APLP2: variants seen among roughly 807,000 people sequenced by gnomAD.
APLP2 encodes the protein amyloid beta precursor like protein 2.
APLP2 carries 53 observed loss-of-function variants against 89.9 expected under a neutral mutation model. The observed-to-expected ratio is 0.59, with a 90% CI of 0.47 to 0.74. APLP2 has a LOEUF of 0.74. APLP2 is among the 30% of genes least tolerant of loss of function. The pLI, the probability that APLP2 is intolerant of heterozygous loss-of-function variation, is 0.00. For synonymous variants in APLP2, 372 were observed against 348.6 expected (o/e 1.07, Z -0.75); for missense variants, 973 against 975.9 (o/e 1.00, Z 0.04).
chr11:130,090,378 G>GT (rs1489278492), intron 1 of APLP2, among the ~76,000 whole-genome samples: 18 of 147,884 alleles, frequency 1.2e-4, no homozygotes, highest in Admixed American at 6.7e-5. Flanking sequence ...GTGAACAAAG[G>GT]TCTCTGGTTT....
chr11:130,122,399 G>A lies in APLP2; in HGVS notation c.808G>A (p.Asp270Asn), dbSNP rs1319915604. The change falls in exon 6 of 17, where the codon GAC becomes AAC. Residue 270 changes from aspartate to asparagine, a missense_variant. By Grantham distance (23) the Asp-to-Asn change is conservative. Coordinates refer to ENST00000338167, the MANE Select transcript of APLP2 (RefSeq NM_001142276.2). ...GGAAGAAGGGGAGGAAGTGGTGGAGGACCGAGATTACTACTATGACACCTT... is the reference window on the plus strand; with the variant it reads ...GGAAGAAGGGGAGGAAGTGGTGGAGAACCGAGATTACTACTATGACACCTT... ...DEEEGEEVVE[D>N]RDYYYDTFKG... The A allele has an allele frequency of 1.2e-6, 2 of 1,614,136 alleles. No individual in the cohort carries two copies. Among genetic ancestry groups the A allele is most frequent in the South Asian group, 2.2e-5 (2 of 91,080 alleles).
intron 4 of APLP2, among the ~76,000 whole-genome samples, chr11:130,121,186 A>C (rs1369543294): frequency 6.6e-6 from 1 of 152,098 alleles, no homozygotes; most frequent in Non-Finnish European, 1.5e-5. Context: ...ATGCCATCTC[A>C]CTTTTCTGGT....
Position 130,141,389 on chromosome 11 carries a change from G to A in APLP2, c.1924-109G>A. The A allele has an allele frequency of 1.1e-6, 1 of 884,748 alleles. No homozygotes were observed. 54.8% of individuals were successfully genotyped at this position (884,748 alleles called of 1,614,324 possible). On this transcript the variant is annotated intron_variant, in intron 14 of 16. Coordinates refer to ENST00000338167, the MANE Select transcript of APLP2 (RefSeq NM_001142276.2). The surrounding 1 kb of genome is among the most constrained non-coding windows in gnomAD (Gnocchi z 4.2). Reference sequence around the variant, plus strand: ...TGGTTGGTTAATGGGGGTCCCACAGGTACCTGCTTCCTTCCATCAAGCAGC... The same window carrying A: ...TGGTTGGTTAATGGGGGTCCCACAGATACCTGCTTCCTTCCATCAAGCAGC...
intron 10 of APLP2, 143 bp downstream of exon 10, chr11:130,129,349 G>C: frequency 1.0e-6 from 1 of 977,030 alleles, no homozygotes; most frequent in Non-Finnish European, 1.5e-6. Flanking sequence ...GGAGGAAAAG[G>C]TATTACATTC....
In APLP2 at chr11:130,070,378, C is replaced by T. The variant is rs550598212; in HGVS notation, c.105+296C>T. 2.0e-3 allele frequency among the ~76,000 whole-genome samples: 309 copies of T among 151,392 alleles called. 1 individual carries two copies. Among genetic ancestry groups the T allele is most frequent in the African/African-American group, 6.5e-3 (270 of 41,424 alleles). Reference sequence around the variant, plus strand: ...CAACCCGCCCGCGGCGCCGCCACCTCCTCCGGGGACCCAGTGCCCCCGGGC... The same window carrying T: ...CAACCCGCCCGCGGCGCCGCCACCTTCTCCGGGGACCCAGTGCCCCCGGGC... On this transcript the variant is annotated intron_variant, in intron 1 of 16. Transcript: ENST00000338167.
chr11:130,140,909 C>CTTTTTTTTT (rs5795689), intron 14 of APLP2: 1 of 136,774 alleles, frequency 7.3e-6, no homozygotes, highest in African/African-American at 2.7e-5. Context: ...TTCAATGTGG[C>CTTTTTTTTT]TTTTTTTTTT....
At position 130,069,926 on chromosome 11, in the gene APLP2, G is replaced by T. The variant is rs938405185; in HGVS notation, c.-52G>T. The T allele has an allele frequency of 3.0e-6, 4 of 1,339,310 alleles. No individual in the cohort carries two copies. Among genetic ancestry groups the T allele is most frequent in the South Asian group, 2.6e-5 (2 of 78,014 alleles). 83.0% of individuals were successfully genotyped at this position (1,339,310 alleles called of 1,614,324 possible). A position where few individuals can be genotyped will look rare whatever the true frequency, so the allele number is the denominator to read the frequency against. On this transcript the variant is annotated 5_prime_UTR_variant, in exon 1 of 17. The change creates a premature stop within an existing upstream ORF in the 5' untranslated region. Coordinates refer to ENST00000338167, the MANE Select transcript of APLP2 (RefSeq NM_001142276.2). ...TCTGGGTCGCGGTGTGCTAAGCGAG[G>T]AGTCCGAGTGTGTGAGCTTGAGAGC...
In APLP2 at chr11:130,109,296, ATTTG is replaced by A. The variant is rs1471061196; in HGVS notation, c.106-127_106-124del. 1.5e-5 allele frequency: 12 copies of A among 783,270 alleles called. No individual in the cohort carries two copies. The African/African-American group carries it at 2.0e-4, about 13-fold the overall frequency. The allele number at this position is 783,270 out of a possible 1,614,324, so 48.5% of individuals were successfully genotyped here. A position where few individuals can be genotyped will look rare whatever the true frequency, so the allele number is the denominator to read the frequency against. ...TTCTGTTCTAGCTCCTGGGAAAAGGATTTGTTTGTGAAGATACAAATAGTAAATA... is the reference window on the plus strand; with the variant it reads ...TTCTGTTCTAGCTCCTGGGAAAAGGATTTGTGAAGATACAAATAGTAAATA... On this transcript the variant is annotated intron_variant, in intron 1 of 16. Transcript: ENST00000338167.
intron 1 of APLP2, among the ~76,000 whole-genome samples, chr11:130,096,389 G>T (rs1946213462): frequency 6.6e-6 from 1 of 152,162 alleles, no homozygotes; most frequent in Admixed American, 6.5e-5. Context: ...CTGGATCCTG[G>T]AGGGCTCCCA....
intron 3 of APLP2, among the ~76,000 whole-genome samples, chr11:130,120,098 G>A (rs1341076625): frequency 6.6e-6 from 1 of 152,192 alleles, no homozygotes; most frequent in Non-Finnish European, 1.5e-5. Context: ...CAGAAATACT[G>A]TGTAGGTGAT....
At chr11:130,074,258 C>T (rs963015350) in intron 1 of APLP2, among the ~76,000 whole-genome samples, 1 of 152,160 alleles carries the variant, frequency 6.6e-6, no homozygotes, top group African/African-American at 2.4e-5. Flanking sequence ...CTCTGTCGCC[C>T]AGGCTGGAGT....
intron 5 of APLP2, 146 bp from the exon 6 acceptor site, chr11:130,122,159 G>C: frequency 1.1e-6 from 1 of 937,046 alleles, no homozygotes; most frequent in South Asian, 1.6e-5. Context: ...GATGTAGCTG[G>C]GCCCCAGGGC....
intron 3 of APLP2, among the ~76,000 whole-genome samples, chr11:130,112,635 C>A (rs1332777287): frequency 6.6e-6 from 1 of 152,242 alleles, no homozygotes; most frequent in African/African-American, 2.4e-5. Flanking sequence ...ATCAGATTCC[C>A]ACTGCCCTAG....
intron 3 of APLP2, among the ~76,000 whole-genome samples, chr11:130,120,126 TCA>T (rs1202234513): frequency 6.6e-6 from 1 of 152,226 alleles, no homozygotes; most frequent in Non-Finnish European, 1.5e-5. Context: ...TTTTAGGACA[TCA>T]CACACACCAG....
chr11:130,136,784 T>G (rs1288290838), intron 13 of APLP2, among the ~76,000 whole-genome samples: 1 of 152,176 alleles, frequency 6.6e-6, no homozygotes, highest in East Asian at 1.9e-4. Flanking sequence ...GGGTGGTAGA[T>G]GAAGAGGCAC....
chr11:130,089,070 C>T (rs1345753853), intron 1 of APLP2, among the ~76,000 whole-genome samples: 1 of 152,210 alleles, frequency 6.6e-6, no homozygotes, highest in South Asian at 2.1e-4. Flanking sequence ...CCCTACCACC[C>T]GTCCAATTTC....
intron 3 of APLP2, among the ~76,000 whole-genome samples, chr11:130,120,327 G>T (rs1378733126): frequency 6.6e-6 from 1 of 152,122 alleles, no homozygotes; most frequent in Non-Finnish European, 1.5e-5. Flanking sequence ...TAGTTTCTTG[G>T]GCATTTGATT....
intron 3 of APLP2, among the ~76,000 whole-genome samples, chr11:130,118,924 T>C (rs1001378642): frequency 1.3e-5 from 2 of 152,186 alleles, no homozygotes; most frequent in Non-Finnish European, 2.9e-5. Flanking sequence ...GCAGTTTTCA[T>C]GTGGGGGGAC....
chr11:130,104,588 AT>A (rs1947398773), intron 1 of APLP2, among the ~76,000 whole-genome samples: 2 of 151,988 alleles, frequency 1.3e-5, no homozygotes, highest in South Asian at 4.1e-4. Context: ...CCTTTTAATG[AT>A]TTGTTTGAAT....
Sources: gnomAD v4.1 joint callset for allele counts (sites outside exome capture counted in the v4.1 genomes callset) on GRCh38, gnomAD v4.1.1 for gene constraint, Gnocchi (gnomAD v3.1) non-coding constraint, MANE v1.5 for transcripts, NCBI Gene and HGNC (gene_info 2026-07-23, HGNC 2026-07-21) for gene names.